Variants in RAB40AL observed in about 807,000 individuals in gnomAD.
RAB40AL encodes RAB40A like.
For missense variants in RAB40AL, 171 were observed against 226.7 expected (o/e 0.75, Z 1.58); for synonymous variants, 65 against 95.2 (o/e 0.68, Z 1.85).
rs2084564709 is a variant in RAB40AL, at chrX:102,937,770, C to A, written c.452C>A (p.Thr151Asn). The A allele has an allele frequency of 3.3e-6, 4 of 1,210,666 alleles. No individual in the cohort carries two copies. Among genetic ancestry groups the A allele is most frequent in the Non-Finnish European group, 4.5e-6 (4 of 895,533 alleles). ...AQAYAERLGV[T>N]FFEVSPLCNF... ...GCCTACGCCGAGCGCCTGGGCGTGACCTTCTTTGAGGTCAGCCCTCTGTGC... is the reference window on the plus strand; with the variant it reads ...GCCTACGCCGAGCGCCTGGGCGTGAACTTCTTTGAGGTCAGCCCTCTGTGC... The change falls in exon 1 of 1, where the codon ACC (threonine) becomes AAC (asparagine). Residue 151 changes from threonine to asparagine, a missense_variant. Coordinates refer to ENST00000218249, the MANE Select transcript of RAB40AL (RefSeq NM_001031834.1).
chrX:102,937,309 G>A lies in RAB40AL; in HGVS notation c.-10G>A, dbSNP rs1569510852. 2 of 1,208,619 alleles carry A rather than the reference G, an allele frequency of 1.7e-6. No individual in the cohort carries two copies. Among genetic ancestry groups the A allele is most frequent in the Non-Finnish European group, 1.1e-6 (1 of 893,530 alleles). On this transcript the variant is annotated 5_prime_UTR_variant, in exon 1 of 1. Coordinates refer to ENST00000218249, the MANE Select transcript of RAB40AL (RefSeq NM_001031834.1). ...CTGGTCTGGCCCAGGCGGGGGGCGG[G>A]GCCAGCACGATGAGCGCCCCGGGCA...
Position 102,937,376 on chromosome X carries a change from G to A in RAB40AL, c.58G>A (p.Val20Met), listed in dbSNP as rs147769041. The A allele has an allele frequency of 3.2e-5, 39 of 1,210,262 alleles. No individual in the cohort carries two copies. The African/African-American group carries it at 6.3e-4, about 20-fold the overall frequency. ...AYDFLLKFLL[V>M]GDRDVGKSEI... ...CGACTTCCTGCTCAAGTTCCTGCTG[G>A]TGGGCGACAGGGACGTAGGCAAGAG... The change falls in exon 1 of 1, where the codon GTG becomes ATG. Residue 20 changes from valine (V) to methionine (M), a missense_variant. By Grantham distance (21) the Val-to-Met change is conservative (BLOSUM62 1). Transcript: ENST00000218249.
Position 102,937,575 on chromosome X carries a change from G to A in RAB40AL, c.257G>A (p.Gly86Asp), listed in dbSNP as rs146065311. 522 of 1,208,853 alleles carry A rather than the reference G, an allele frequency of 4.3e-4. 3 individuals carry two copies. In the African/African-American group the frequency reaches 8.1e-3, roughly 19 times the overall value. Residue 86 changes from glycine to aspartate, a missense_variant, in exon 1 of 1, where the codon GGT (glycine) becomes GAT (aspartate). Transcript: ENST00000218249. ...FCTIFRSYSR[G>D]AQGVILVYDI... is the part of the protein sequence containing the mutation. ...ACCATATTCCGCTCCTACTCTCGTG[G>A]TGCACAAGGAGTGATCCTGGTCTAC...
chrX:102,937,435 C>T lies in RAB40AL; in HGVS notation c.117C>T (p.Ala39=), dbSNP rs1460164248. 8 of 1,209,034 alleles carry T rather than the reference C, an allele frequency of 6.6e-6. No homozygotes were observed. Among genetic ancestry groups the T allele is most frequent in the South Asian group, 5.3e-5 (3 of 56,802 alleles). The change falls in exon 1 of 1, where the codon GCC becomes GCT. Residue 39 remains alanine (A), a synonymous_variant. Transcript: ENST00000218249. ...EILESLQDGT[A]ESPYSHLGGI... is the part of the protein sequence containing the mutation. ...TGGAGAGCCTGCAGGACGGCACGGCCGAGTCCCCGTACAGTCACCTGGGGG... is the reference window on the plus strand; with the variant it reads ...TGGAGAGCCTGCAGGACGGCACGGCTGAGTCCCCGTACAGTCACCTGGGGG...
rs374632220 is a variant in RAB40AL, at chrX:102,938,079, T to C, written c.761T>C (p.Leu254Pro). The change falls in exon 1 of 1, where the codon CTC becomes CCC. Residue 254 changes from leucine (L) to proline (P), a missense_variant. Physicochemically the swap from Leu to Pro is moderately conservative, Grantham distance 98. Coordinates refer to ENST00000218249, the MANE Select transcript of RAB40AL (RefSeq NM_001031834.1). ...TTSSTHKRSS[L>P]CKVKIVCPPQ... is the part of the protein sequence containing the mutation. Reference sequence around the variant, plus strand: ...AGCTCCACTCACAAAAGGAGCAGCCTCTGCAAAGTGAAGATCGTCTGCCCA... The same window carrying C: ...AGCTCCACTCACAAAAGGAGCAGCCCCTGCAAAGTGAAGATCGTCTGCCCA... The C allele has an allele frequency of 1.1e-5, 13 of 1,210,001 alleles. No homozygotes were observed. The highest frequency in any genetic ancestry group is 1.5e-5 in the Non-Finnish European group (13 of 895,313).
chrX:102,937,416 G>C lies in RAB40AL; in HGVS notation c.98G>C (p.Ser33Thr), dbSNP rs747476866. Reference protein sequence around the residue: ...RDVGKSEILESLQDGTAESPY... With the variant: ...RDVGKSEILETLQDGTAESPY... ...GTAGGCAAGAGTGAGATCCTGGAGA[G>C]CCTGCAGGACGGCACGGCCGAGTCC... Residue 33 changes from serine (S) to threonine (T), a missense_variant, in exon 1 of 1, where the codon AGC (serine) becomes ACC (threonine). By Grantham distance (58) the Ser-to-Thr change is moderately conservative. Transcript: ENST00000218249. 4.1e-5 allele frequency: 50 copies of C among 1,210,055 alleles called. No homozygotes were observed. Among genetic ancestry groups the C allele is most frequent in the Admixed American group, 3.7e-4 (17 of 45,854 alleles).
Position 102,938,028 on chromosome X carries a change from G to A in RAB40AL, c.710G>A (p.Arg237Gln), listed in dbSNP as rs1410775082. 3 of 1,210,100 alleles carry A rather than the reference G, an allele frequency of 2.5e-6. No homozygotes were observed. Among genetic ancestry groups the A allele is most frequent in the South Asian group, 1.8e-5 (1 of 56,792 alleles). Residue 237 changes from arginine to glutamine, a missense_variant, in exon 1 of 1, where the codon CGA (arginine) becomes CAA (glutamine). Physicochemically the swap from Arg to Gln is conservative, Grantham distance 43. Coordinates refer to ENST00000218249, the MANE Select transcript of RAB40AL (RefSeq NM_001031834.1). ...MAKGLNARMM[R>Q]GLSYSLTTSS... Reference sequence around the variant, plus strand: ...AAGGGCCTGAATGCCAGGATGATGCGAGGCCTCTCCTACTCCCTCACCACC... The same window carrying A: ...AAGGGCCTGAATGCCAGGATGATGCAAGGCCTCTCCTACTCCCTCACCACC...
rs1223946105 is a variant in RAB40AL at position 102,938,197 on chromosome X, A to G, written c.*42A>G. 1.7e-6 allele frequency: 2 copies of G among 1,191,207 alleles called. No homozygotes were observed. The highest frequency in any genetic ancestry group is 3.5e-5 in the South Asian group (2 of 56,456). On this transcript the variant is annotated 3_prime_UTR_variant, in exon 1 of 1. Transcript: ENST00000218249. ...AAACAAGCTGGAATCGCTCCAGGAAAAACTCTGAATGGTTACACCTGGAAG... is the reference window on the plus strand; with the variant it reads ...AAACAAGCTGGAATCGCTCCAGGAAGAACTCTGAATGGTTACACCTGGAAG...
chrX:102,938,282 T>C lies in RAB40AL; in HGVS notation c.*127T>C. The C allele has an allele frequency of 1.1e-6, 1 of 876,145 alleles. No homozygotes were observed. Among genetic ancestry groups the C allele is most frequent in the Non-Finnish European group, 1.6e-6 (1 of 612,854 alleles). 72.2% of individuals were successfully genotyped at this position (876,145 alleles called of 1,213,427 possible). A position where few individuals can be genotyped will look rare whatever the true frequency, so the allele number is the denominator to read the frequency against. On this transcript the variant is annotated 3_prime_UTR_variant, in exon 1 of 1. Transcript: ENST00000218249. ...TTTCAGTTTCTCATGGGAACAATGC[T>C]GCTTGGGAATGTGTGTGATGCCTTC... is the stretch of plus-strand genomic sequence containing the variant.
chrX:102,937,341 A>G lies in RAB40AL; in HGVS notation c.23A>G (p.Asp8Gly), dbSNP rs1569510857. The change falls in exon 1 of 1, where the codon GAC becomes GGC. Residue 8 changes from aspartate to glycine, a missense_variant. Physicochemically the swap from Asp to Gly is moderately conservative, Grantham distance 94. Coordinates refer to ENST00000218249, the MANE Select transcript of RAB40AL (RefSeq NM_001031834.1). MSAPGSP[D>G]QAYDFLLKFL... ...ACGATGAGCGCCCCGGGCAGCCCCG[A>G]CCAGGCCTACGACTTCCTGCTCAAG... 8.3e-7 allele frequency: 1 copy of G among 1,211,534 alleles called. No individual in the cohort carries two copies. Among genetic ancestry groups the G allele is most frequent in the Admixed American group, 2.2e-5 (1 of 46,077 alleles).
chrX:102,937,351 C>T lies in RAB40AL; in HGVS notation c.33C>T (p.Tyr11=), dbSNP rs374307480. The change falls in exon 1 of 1, where the codon TAC becomes TAT. Residue 11 remains tyrosine (Y), a synonymous_variant. Transcript: ENST00000218249. ...CCCCGGGCAGCCCCGACCAGGCCTA[C>T]GACTTCCTGCTCAAGTTCCTGCTGG... MSAPGSPDQA[Y]DFLLKFLLVG... 2.1e-4 allele frequency: 249 copies of T among 1,210,236 alleles called. No individual in the cohort carries two copies. Among genetic ancestry groups the T allele is most frequent in the Non-Finnish European group, 2.4e-4 (218 of 895,191 alleles).
rs186210697 is a variant in RAB40AL, at chrX:102,937,427, G to A, written c.109G>A (p.Gly37Ser). The change falls in exon 1 of 1, where the codon GGC (glycine) becomes AGC (serine). Residue 37 changes from glycine (G) to serine (S), a missense_variant. Gly to Ser is a moderately conservative substitution (Grantham distance 56). Transcript: ENST00000218249. ...KSEILESLQD[G>S]TAESPYSHLG... The stretch of plus-strand genomic sequence containing the variant: ...TGAGATCCTGGAGAGCCTGCAGGAC[G>A]GCACGGCCGAGTCCCCGTACAGTCA... The A allele has an allele frequency of 1.6e-4, 194 of 1,210,019 alleles. No individual in the cohort carries two copies. Among genetic ancestry groups the A allele is most frequent in the African/African-American group, 1.9e-4 (11 of 57,125 alleles).
Position 102,937,390 on chromosome X carries a change from C to G in RAB40AL, c.72C>G (p.Asp24Glu), listed in dbSNP as rs372360800. The change falls in exon 1 of 1, where the codon GAC becomes GAG. Residue 24 changes from aspartate to glutamate, a missense_variant. Coordinates refer to ENST00000218249, the MANE Select transcript of RAB40AL (RefSeq NM_001031834.1). Reference sequence around the variant, plus strand: ...AGTTCCTGCTGGTGGGCGACAGGGACGTAGGCAAGAGTGAGATCCTGGAGA... The same window carrying G: ...AGTTCCTGCTGGTGGGCGACAGGGAGGTAGGCAAGAGTGAGATCCTGGAGA... Reference protein sequence around the residue: ...LLKFLLVGDRDVGKSEILESL... With the variant: ...LLKFLLVGDREVGKSEILESL... The G allele has an allele frequency of 1.7e-5, 20 of 1,210,018 alleles. No individual in the cohort carries two copies. In the East Asian group the frequency reaches 3.3e-4, roughly 20 times the overall value.
At position 102,938,026 on chromosome X, in the gene RAB40AL, G is replaced by A; in HGVS notation, c.708G>A (p.Met236Ile). The change falls in exon 1 of 1, where the codon ATG becomes ATA. Residue 236 changes from methionine to isoleucine, a missense_variant. Physicochemically the swap from Met to Ile is conservative, Grantham distance 10. Coordinates refer to ENST00000218249, the MANE Select transcript of RAB40AL (RefSeq NM_001031834.1). ...SMAKGLNARMMRGLSYSLTTS... is the reference protein window; with the variant it reads ...SMAKGLNARMIRGLSYSLTTS... Reference sequence around the variant, plus strand: ...CTAAGGGCCTGAATGCCAGGATGATGCGAGGCCTCTCCTACTCCCTCACCA... The same window carrying A: ...CTAAGGGCCTGAATGCCAGGATGATACGAGGCCTCTCCTACTCCCTCACCA... The A allele has an allele frequency of 8.3e-7, 1 of 1,211,850 alleles. No individual in the cohort carries two copies. The highest frequency in any genetic ancestry group is 3.0e-5 in the East Asian group (1 of 33,825).
rs2084562740 is a variant in RAB40AL at position 102,937,538 on chromosome X, G to A, written c.220G>A (p.Gly74Arg). The change falls in exon 1 of 1, where the codon GGA becomes AGA. Residue 74 changes from glycine to arginine, a missense_variant. Gly to Arg is a moderately radical substitution (Grantham distance 125). Coordinates refer to ENST00000218249, the MANE Select transcript of RAB40AL (RefSeq NM_001031834.1). ...KLKLWDTSGQ[G>R]RFCTIFRSYS... Reference sequence around the variant, plus strand: ...GAAGCTCTGGGATACGTCGGGGCAGGGAAGATTTTGTACCATATTCCGCTC... The same window carrying A: ...GAAGCTCTGGGATACGTCGGGGCAGAGAAGATTTTGTACCATATTCCGCTC... 1 of 1,209,160 alleles carries A rather than the reference G, an allele frequency of 8.3e-7. No homozygotes were observed. Among genetic ancestry groups the A allele is most frequent in the African/African-American group, 1.8e-5 (1 of 56,857 alleles).
chrX:102,937,910 C>G lies in RAB40AL; in HGVS notation c.592C>G (p.Arg198Gly), dbSNP rs2084565902. The G allele has an allele frequency of 8.3e-7, 1 of 1,212,049 alleles. No homozygotes were observed. Among genetic ancestry groups the G allele is most frequent in the East Asian group, 3.0e-5 (1 of 33,841 alleles). ...ACTGAGCTTGCAAGACCTCTGCTGC[C>G]GCACCATCGTGTCCTGCACACCTGT... is the stretch of plus-strand genomic sequence containing the variant. ...KVLSLQDLCC[R>G]TIVSCTPVHL... The change falls in exon 1 of 1, where the codon CGC (arginine) becomes GGC (glycine). Residue 198 changes from arginine to glycine, a missense_variant. Arg to Gly is a moderately radical substitution (Grantham distance 125). Coordinates refer to ENST00000218249, the MANE Select transcript of RAB40AL (RefSeq NM_001031834.1).
chrX:102,937,282 T>C lies in RAB40AL; in HGVS notation c.-37T>C, dbSNP rs1238555045. ...CCGGCACCGCCTCTGCGCACAACCT[T>C]GCTGGTCTGGCCCAGGCGGGGGGCG... is the stretch of plus-strand genomic sequence containing the variant. On this transcript the variant is annotated 5_prime_UTR_variant, in exon 1 of 1. Transcript: ENST00000218249. The C allele has an allele frequency of 1.3e-5, 16 of 1,187,684 alleles. No homozygotes were observed. Among genetic ancestry groups the C allele is most frequent in the African/African-American group, 5.3e-5 (3 of 56,762 alleles).
rs760176957 is a variant in RAB40AL, at chrX:102,938,090, A to G, written c.772A>G (p.Lys258Glu). The G allele has an allele frequency of 2.1e-5, 26 of 1,210,098 alleles. No homozygotes were observed. In the East Asian group the frequency reaches 5.9e-4, roughly 28 times the overall value. Residue 258 changes from lysine to glutamate, a missense_variant, in exon 1 of 1, where the codon AAG becomes GAG. Coordinates refer to ENST00000218249, the MANE Select transcript of RAB40AL (RefSeq NM_001031834.1). Reference protein sequence around the residue: ...THKRSSLCKVKIVCPPQSPPK... With the variant: ...THKRSSLCKVEIVCPPQSPPK... ...CAAAAGGAGCAGCCTCTGCAAAGTG[A>G]AGATCGTCTGCCCACCCCAGAGCCC...
Position 102,937,701 on chromosome X carries a change from T to C in RAB40AL, c.383T>C (p.Leu128Pro). ...CCTAAAATCCTGGTGGGGAATCGCC[T>C]ACATCTGGCATTCAAGAGGCAGGTG... ...GVPKILVGNR[L>P]HLAFKRQVPR... Residue 128 changes from leucine (L) to proline (P), a missense_variant, in exon 1 of 1, where the codon CTA (leucine) becomes CCA (proline). Coordinates refer to ENST00000218249, the MANE Select transcript of RAB40AL (RefSeq NM_001031834.1). 8.3e-7 allele frequency: 1 copy of C among 1,210,204 alleles called. No homozygotes were observed. Among genetic ancestry groups the C allele is most frequent in the Non-Finnish European group, 1.1e-6 (1 of 895,321 alleles).
Sources: allele counts gnomAD v4.1 joint callset, GRCh38; gene constraint gnomAD v4.1.1; transcripts MANE v1.5; gene names NCBI Gene and HGNC (gene_info 2026-07-23, HGNC 2026-07-21).